Variants in WDR41 observed in about 807,000 individuals in gnomAD.
WDR41 encodes WD repeat-containing protein 41.
WDR41 carries 63 observed loss-of-function variants against 69.3 expected under a neutral mutation model. The ratio of observed to expected loss-of-function variants is 0.91; its 90% CI spans 0.74 to 1.12. The LOEUF (loss-of-function observed/expected upper bound fraction) is 1.12, where lower values mean the gene tolerates loss of function less well. Ranked by LOEUF, WDR41 falls within the 50% of genes most tolerant of loss-of-function variation. The pLI is 0.00. For missense variants in WDR41, 543 were observed against 534.5 expected (o/e 1.02, Z -0.16); for synonymous variants, 185 against 192.1 (o/e 0.96, Z 0.31).
chr5:77,552,595 G>A (rs1424158754), intron 1 of WDR41, among the ~76,000 whole-genome samples: 3 of 152,264 alleles, frequency 2.0e-5, no homozygotes, highest in African/African-American at 7.2e-5. Context: ...AATCTTGATA[G>A]AGAAGAAAGA....
chr5:77,606,140 C>T (rs149284688), intron 1 of WDR41, among the ~76,000 whole-genome samples: 4 of 152,222 alleles, frequency 2.6e-5, no homozygotes, highest in African/African-American at 9.6e-5. Context: ...TTTTTATCTG[C>T]TATCAAAATT....
chr5:77,593,993 C>T (rs923819052), intron 1 of WDR41, among the ~76,000 whole-genome samples: 5 of 151,822 alleles, frequency 3.3e-5, no homozygotes, highest in African/African-American at 1.2e-4. Context: ...GGCAGGACTA[C>T]CTCAAAATAA....
At chr5:77,613,501 A>T (rs939308687) in intron 1 of WDR41, among the ~76,000 whole-genome samples, 25 of 152,214 alleles carry the variant, frequency 1.6e-4, no homozygotes, top group Admixed American at 1.3e-3. Context: ...CATATCTACA[A>T]CTATCTGATC....
chr5:77,618,051 T>C (rs1744709352), intron 1 of WDR41, among the ~76,000 whole-genome samples: 1 of 152,192 alleles, frequency 6.6e-6, no homozygotes, highest in South Asian at 2.1e-4. Context: ...ATAATGTTAA[T>C]TTTCAGTCAG....
intron 2 of WDR41, among the ~76,000 whole-genome samples, chr5:77,469,436 A>G (rs1272493078): frequency 6.6e-6 from 1 of 152,194 alleles, no homozygotes; most frequent in African/African-American, 2.4e-5. Flanking sequence ...CTCTGTTGTC[A>G]TCTAACATGC....
At chr5:77,542,627 G>A (rs2112227004) in intron 1 of WDR41, among the ~76,000 whole-genome samples, 1 of 152,262 alleles carries the variant, frequency 6.6e-6, no homozygotes, top group African/African-American at 2.4e-5. Flanking sequence ...ATGTAAGCCA[G>A]GAGTGGTATG....
At chr5:77,462,492 A>C (rs1581721946) in intron 4 of WDR41, among the ~76,000 whole-genome samples, 1 of 152,244 alleles carries the variant, frequency 6.6e-6, no homozygotes, top group Middle Eastern at 3.4e-3. Context: ...TATGTAAAAC[A>C]ATTAGAACAA....
intron 1 of WDR41, among the ~76,000 whole-genome samples, chr5:77,577,693 G>C (rs926761403): frequency 6.6e-6 from 1 of 152,136 alleles, no homozygotes; most frequent in Non-Finnish European, 1.5e-5. Context: ...TTGCAGCACT[G>C]TTCCTAGTGA....
chr5:77,506,566 T>A (rs1368034416), intron 1 of WDR41, among the ~76,000 whole-genome samples: 1 of 152,228 alleles, frequency 6.6e-6, no homozygotes, highest in Non-Finnish European at 1.5e-5. Flanking sequence ...TAAATCATGC[T>A]GCTATAAAGA....
intron 1 of WDR41, among the ~76,000 whole-genome samples, chr5:77,531,461 G>A (rs879537883): frequency 5.9e-5 from 9 of 151,704 alleles, no homozygotes; most frequent in East Asian, 5.8e-4. Flanking sequence ...ATCACTTTGC[G>A]CCCACTAAGA....
intron 1 of WDR41, among the ~76,000 whole-genome samples, chr5:77,573,265 CTCTT>C (rs372322874): frequency 0.035 from 5,218 of 150,810 alleles, 202 homozygotes; most frequent in Admixed American, 0.1. Flanking sequence ...CTCTCTCTCT[CTCTT>C]TATTTTTTTT....
rs1002789902 is a variant in WDR41, at chr5:77,462,654, A to C, written c.348+441T>G. On this transcript the variant is annotated intron_variant, in intron 4 of 12. Coordinates refer to ENST00000296679, the MANE Select transcript of WDR41 (RefSeq NM_018268.4). ...ACAAACAGTAATTCACTTTTCTATC[A>C]GACTCAGATGCTCCAAAGATTTTTA... 1.3e-5 allele frequency among the ~76,000 whole-genome samples: 2 copies of C among 152,194 alleles called. 1 individual carries two copies. The highest frequency in any genetic ancestry group is 1.3e-4 in the Admixed American group (2 of 15,286).
At chr5:77,538,759 A>G (rs1743033853) in intron 1 of WDR41, among the ~76,000 whole-genome samples, 1 of 152,216 alleles carries the variant, frequency 6.6e-6, no homozygotes, top group African/African-American at 2.4e-5. Flanking sequence ...AACAAATTTT[A>G]AAGTAGTTCT....
chr5:77,534,544 C>T (rs1196012525), intron 1 of WDR41, among the ~76,000 whole-genome samples: 1 of 152,056 alleles, frequency 6.6e-6, no homozygotes, highest in Non-Finnish European at 1.5e-5. Flanking sequence ...AGTGATTCTC[C>T]TGCTTCAGCC....
intron 1 of WDR41, among the ~76,000 whole-genome samples, chr5:77,561,443 C>CT (rs1162751378): frequency 6.6e-6 from 1 of 151,870 alleles, no homozygotes; most frequent in Non-Finnish European, 1.5e-5. Flanking sequence ...AGTTTTGATA[C>CT]TTTTTTTTCC....
intron 1 of WDR41, among the ~76,000 whole-genome samples, chr5:77,570,109 C>T (rs2112272121): frequency 6.6e-6 from 1 of 152,166 alleles, no homozygotes; most frequent in South Asian, 2.1e-4. Context: ...AAATAAGTAT[C>T]AGGAACCCAG....
At chr5:77,492,052 G>T in intron 1 of WDR41, 118 bp downstream of exon 1, 1 of 1,292,178 alleles carries the variant, frequency 7.7e-7, no homozygotes, top group Non-Finnish European at 1.1e-6. Context: ...CACGAGCTCA[G>T]CAGCCAGCCC....
chr5:77,433,418 C>T, intron 12 of WDR41, 131 bp from the exon 13 acceptor site: 1 of 644,858 alleles, frequency 1.6e-6, no homozygotes, highest in Non-Finnish European at 2.4e-6. Context: ...AACTTCATTT[C>T]ATTTTTCAGT....
At chr5:77,492,328 A>C, upstream of WDR41, 2 of 1,440,974 alleles carry the variant, frequency 1.4e-6, no homozygotes, top group Non-Finnish European at 1.9e-6. Context: ...AGACGCTAAT[A>C]CTTCCCGCCC....
Sources: allele counts gnomAD v4.1 joint callset (sites outside exome capture counted in the v4.1 genomes callset), GRCh38; gene constraint gnomAD v4.1.1; transcripts MANE v1.5; gene names NCBI Gene and HGNC (gene_info 2026-07-23, HGNC 2026-07-21).